CAMKK2: variants seen among roughly 807,000 people sequenced by gnomAD.
CAMKK2 encodes the protein calcium/calmodulin-dependent protein kinase kinase 2.
Under a neutral mutation model 67.2 loss-of-function variants are expected in CAMKK2, and 30 were observed. The ratio of observed to expected loss-of-function variants is 0.45; its 90% CI spans 0.33 to 0.61. The LOEUF is 0.61. Ranked by LOEUF, CAMKK2 falls within the 20% of genes least tolerant of loss-of-function variation. The pLI, the probability that CAMKK2 is intolerant of heterozygous loss-of-function variation, is 0.02. For synonymous variants in CAMKK2, 322 were observed against 326.2 expected (o/e 0.99, Z 0.14); for missense variants, 643 against 802.0 (o/e 0.80, Z 2.39).
intron 16 of CAMKK2, among the ~76,000 whole-genome samples, chr12:121,241,492 T>G (rs1025286530): frequency 2.0e-5 from 3 of 152,212 alleles, no homozygotes; most frequent in African/African-American, 7.2e-5. Context: ...AGGAGAGCCC[T>G]TGTTTCCCTG....
At chr12:121,241,733 CTA>C (rs1383182990) in intron 16 of CAMKK2, among the ~76,000 whole-genome samples, 1 of 152,224 alleles carries the variant, frequency 6.6e-6, no homozygotes, top group African/African-American at 2.4e-5. Context: ...GTCTGGCTTG[CTA>C]TGTTTCTGAT....
At chr12:121,246,423 G>A (rs1566037185) in intron 14 of CAMKK2, among the ~76,000 whole-genome samples, 1 of 151,948 alleles carries the variant, frequency 6.6e-6, no homozygotes, top group Non-Finnish European at 1.5e-5. Flanking sequence ...GTAGGCACCT[G>A]TCATCCCAGC....
In CAMKK2 at chr12:121,238,804, C is replaced by T. The variant is rs200967158; in HGVS notation, c.*1895G>A. ...CCACACAAGCAGGCTGGGCCTAAGACTAGGGACCCGCTGGCTTTAACCTCT... is the reference window on the plus strand; with the variant it reads ...CCACACAAGCAGGCTGGGCCTAAGATTAGGGACCCGCTGGCTTTAACCTCT... On this transcript the variant is annotated 3_prime_UTR_variant, in exon 17 of 17. Coordinates refer to ENST00000404169, the MANE Select transcript of CAMKK2 (RefSeq NM_001270485.2). 1 of 152,690 alleles carries T rather than the reference C, an allele frequency of 6.5e-6. No individual in the cohort carries two copies. The highest frequency in any genetic ancestry group is 1.5e-5 in the Non-Finnish European group (1 of 68,084). 9.5% of individuals were successfully genotyped at this position (152,690 alleles called of 1,614,324 possible).
At chr12:121,256,244 T>C (rs550840303) in intron 7 of CAMKK2, among the ~76,000 whole-genome samples, 25 of 152,284 alleles carry the variant, frequency 1.6e-4, no homozygotes, top group Non-Finnish European at 2.6e-4. Flanking sequence ...CCGGGCGTGG[T>C]GGCAGGTGCC....
intron 9 of CAMKK2, among the ~76,000 whole-genome samples, 178 bp downstream of exon 9, chr12:121,255,368 TTATA>T: frequency 6.7e-5 from 1 of 14,838 alleles, no homozygotes; most frequent in South Asian, 2.5e-3. Flanking sequence ...ATATATAATT[TTATA>T]TATATAATTT....
chr12:121,295,073 G>C (rs1276152187), intron 1 of CAMKK2, among the ~76,000 whole-genome samples: 3 of 152,186 alleles, frequency 2.0e-5, no homozygotes, highest in Non-Finnish European at 2.9e-5. Context: ...GAGAGGCTGA[G>C]GCATGAGAAT....
rs115593699 is a variant in CAMKK2 at position 121,247,519 on chromosome 12, C to T, written c.1452+1087G>A. Among the ~76,000 whole-genome samples, 1,274 of 152,326 alleles carry T rather than the reference C, an allele frequency of 8.4e-3. 15 individuals carry two copies. The highest frequency in any genetic ancestry group is 0.029 in the African/African-American group (1,211 of 41,570). On this transcript the variant is annotated intron_variant, in intron 14 of 16. Coordinates refer to ENST00000404169, the MANE Select transcript of CAMKK2 (RefSeq NM_001270485.2). Reference sequence around the variant, plus strand: ...CCTGAGCCTGGAACACAGTAACCCACGGTGGGTGCAGAGTCCGACGCCAGC... The same window carrying T: ...CCTGAGCCTGGAACACAGTAACCCATGGTGGGTGCAGAGTCCGACGCCAGC...
At chr12:121,277,475 C>A (rs777362838) in intron 1 of CAMKK2, among the ~76,000 whole-genome samples, 12 of 152,136 alleles carry the variant, frequency 7.9e-5, no homozygotes, top group Non-Finnish European at 1.3e-4. Flanking sequence ...AAAGGTATAA[C>A]CAAGTGTCCA....
At chr12:121,263,968 C>G in intron 5 of CAMKK2, 29 bp from the exon 6 acceptor site, 4 of 1,554,626 alleles carry the variant, frequency 2.6e-6, no homozygotes, top group Non-Finnish European at 3.5e-6. Flanking sequence ...GACCCAGGGT[C>G]AGGGCAAAGA....
rs1275152562 is a variant in CAMKK2 at position 121,248,626 on chromosome 12, T to C, written c.1432A>G (p.Ile478Val). 1.9e-6 allele frequency: 3 copies of C among 1,614,166 alleles called. No individual in the cohort carries two copies. Among genetic ancestry groups the C allele is most frequent in the Non-Finnish European group, 2.5e-6 (3 of 1,180,006 alleles). ...CTTACCACGGTTGCCAAGCTGGGAA[T>C]GTGTTTGACTGAGTTCTCGACCTCC... is the stretch of plus-strand genomic sequence containing the variant. ...EEEVENSVKHIPSLATVILVK... is the reference protein window; with the variant it reads ...EEEVENSVKHVPSLATVILVK... The change falls in exon 14 of 17, where the codon ATT becomes GTT. Residue 478 changes from isoleucine (I) to valine (V), a missense_variant. Coordinates refer to ENST00000404169, the MANE Select transcript of CAMKK2 (RefSeq NM_001270485.2).
intron 13 of CAMKK2, among the ~76,000 whole-genome samples, chr12:121,248,990 T>G (rs1238785697): frequency 2.0e-5 from 3 of 152,222 alleles, no homozygotes; most frequent in Non-Finnish European, 4.4e-5. Context: ...TTGGCCGAAG[T>G]GATGGGAATT....
chr12:121,249,031 G>A (rs986982500), intron 13 of CAMKK2, among the ~76,000 whole-genome samples: 1 of 152,374 alleles, frequency 6.6e-6, no homozygotes, highest in East Asian at 1.9e-4. Flanking sequence ...TGCCCAAGGA[G>A]CATCCATCAC....
rs574131802 is a variant in CAMKK2 at position 121,266,359 on chromosome 12, G to A, written c.625+2279C>T. Among the ~76,000 whole-genome samples the A allele has an allele frequency of 4.2e-3, 645 of 152,290 alleles. 5 individuals carry two copies. Among genetic ancestry groups the A allele is most frequent in the Non-Finnish European group, 4.3e-3 (290 of 68,016 alleles). ...GTTAAGACAAGAGGTAAGAAGGAGT[G>A]TTTAAGCAAGCGAAATCCTCTATTG... On this transcript the variant is annotated intron_variant, in intron 5 of 16. Transcript: ENST00000404169.
chr12:121,255,602 A>G lies in CAMKK2; in HGVS notation c.855T>C (p.Ser285=), dbSNP rs114390100. Residue 285 remains serine (S), a synonymous_variant, in exon 9 of 17, where the codon TCT becomes TCC. Coordinates refer to ENST00000404169, the MANE Select transcript of CAMKK2 (RefSeq NM_001270485.2). ...GGAAGTAGAAACGGGCCTGGTCTTCAGAGAGTGGTTTGAGGGTGGGCACTT... is the reference window on the plus strand; with the variant it reads ...GGAAGTAGAAACGGGCCTGGTCTTCGGAGAGTGGTTTGAGGGTGGGCACTT... The part of the protein sequence containing the change: ...VMEVPTLKPL[S]EDQARFYFQD... The G allele has an allele frequency of 3.5e-4, 570 of 1,613,008 alleles. 3 individuals carry two copies. The East Asian group carries it at 0.011, about 32-fold the overall frequency.
intron 1 of CAMKK2, among the ~76,000 whole-genome samples, chr12:121,287,275 CT>C (rs1243504345): frequency 6.6e-6 from 1 of 152,192 alleles, no homozygotes; most frequent in African/African-American, 2.4e-5. Flanking sequence ...TCATCTTCCC[CT>C]CTAGCCCTTG....
chr12:121,243,275 C>T (rs1332870448), intron 16 of CAMKK2, among the ~76,000 whole-genome samples: 3 of 151,770 alleles, frequency 2.0e-5, no homozygotes, highest in African/African-American at 7.3e-5. Flanking sequence ...TCATGATCCA[C>T]CTGCCTCGGC....
intron 14 of CAMKK2, 97 bp downstream of exon 14, chr12:121,248,509 T>C: frequency 2.0e-6 from 3 of 1,466,764 alleles, no homozygotes; most frequent in South Asian, 1.2e-5. Context: ...CCCGGACATC[T>C]GACTCCCGGG....
chr12:121,260,599 G>A, intron 6 of CAMKK2: 1 of 547,230 alleles, frequency 1.8e-6, no homozygotes, highest in Non-Finnish European at 3.2e-6. Flanking sequence ...CACTCAGGAG[G>A]TCGCAAAAGG....
intron 1 of CAMKK2, among the ~76,000 whole-genome samples, chr12:121,290,042 G>A (rs1462965768): frequency 6.6e-6 from 1 of 152,098 alleles, no homozygotes; most frequent in African/African-American, 2.4e-5. Flanking sequence ...TACCTAAGAG[G>A]GTGGCTATAG....
Sources: allele counts gnomAD v4.1 joint callset (sites outside exome capture counted in the v4.1 genomes callset), GRCh38; gene constraint gnomAD v4.1.1; transcripts MANE v1.5; gene names NCBI Gene and HGNC (gene_info 2026-07-23, HGNC 2026-07-21).